Variants in ZMYM2 observed in about 807,000 individuals in gnomAD.
ZMYM2 encodes zinc finger MYM-type containing 2.
ZMYM2 carries 56 observed loss-of-function variants against 162.8 expected under a neutral mutation model. The ratio of observed to expected loss-of-function variants is 0.34; its 90% CI spans 0.28 to 0.43. The LOEUF is 0.43. Ranked by LOEUF, ZMYM2 falls within the 20% of genes least tolerant of loss-of-function variation. The pLI, the probability that ZMYM2 is intolerant of heterozygous loss-of-function variation, is 1.00. For missense variants in ZMYM2, 1,275 were observed against 1,621.8 expected, an observed-to-expected ratio of 0.79 and a Z score of 3.67; for synonymous variants, 510 against 541.6, an observed-to-expected ratio of 0.94 and a Z score of 0.81.
At chr13:19,980,860 A>G (rs1392595006) in intron 2 of ZMYM2, among the ~76,000 whole-genome samples, 1 of 150,600 alleles carries the variant, frequency 6.6e-6, no homozygotes, top group African/African-American at 2.4e-5. Flanking sequence ...ATTTTTATTG[A>G]GATCAAAGTA....
the ZMYM2 span, among the ~76,000 whole-genome samples, chr13:19,883,094 C>A: frequency 2.6e-5 from 4 of 152,100 alleles, no homozygotes; most frequent in African/African-American, 4.8e-5. Flanking sequence ...TTTATGTATG[C>A]TACAACATGA....
At chr13:19,973,693 C>CA (rs1956532769) in intron 2 of ZMYM2, among the ~76,000 whole-genome samples, 1 of 147,832 alleles carries the variant, frequency 6.8e-6, no homozygotes, top group Admixed American at 6.8e-5. Context: ...AAAAAAACAC[C>CA]AAAAAACAAA....
intron 2 of ZMYM2, among the ~76,000 whole-genome samples, chr13:19,991,328 C>T (rs1949605787): frequency 1.3e-5 from 2 of 151,954 alleles, no homozygotes; most frequent in Non-Finnish European, 1.5e-5. Context: ...TTATGTTGCT[C>T]AGGCTGGTCT....
rs1378741096 is a variant in ZMYM2 at position 19,958,778 on chromosome 13, G to A, written c.-143G>A. 2.6e-5 allele frequency: 4 copies of A among 151,494 alleles called. No individual in the cohort carries two copies. Among genetic ancestry groups the A allele is most frequent in the Non-Finnish European group, 5.9e-5 (4 of 67,918 alleles). The allele number at this position is 151,494 out of a possible 1,614,324, so 9.4% of individuals were successfully genotyped here. ...GACTGGACCGAGCGGAGTTGTGCGT[G>A]TCGCCGAAGGGGGGTGGGCCGGGGG... is the stretch of plus-strand genomic sequence containing the variant. On this transcript the variant is annotated 5_prime_UTR_variant, in exon 1 of 25. Coordinates refer to ENST00000610343, the MANE Select transcript of ZMYM2 (RefSeq NM_197968.4).
intron 16 of ZMYM2, 131 bp from the exon 17 acceptor site, chr13:20,060,922 G>T: frequency 2.4e-6 from 2 of 829,766 alleles, no homozygotes; most frequent in Non-Finnish European, 3.7e-6. Context: ...TCTTAGTTTT[G>T]TATGTGTTCT....
the ZMYM2 span, among the ~76,000 whole-genome samples, chr13:19,899,613 T>C: frequency 2.6e-5 from 4 of 151,712 alleles, no homozygotes; most frequent in Admixed American, 6.6e-5. Flanking sequence ...GTCAGGAGTT[T>C]GTGACCAGCC....
chr13:19,881,109 G>A, the ZMYM2 span, among the ~76,000 whole-genome samples: 1 of 151,670 alleles, frequency 6.6e-6, no homozygotes, highest in East Asian at 2.0e-4. Context: ...GGCTGGTCTC[G>A]AACTCCTGAC....
At chr13:20,068,959 GATA>G (rs1388993670) in intron 21 of ZMYM2, among the ~76,000 whole-genome samples, 1 of 151,954 alleles carries the variant, frequency 6.6e-6, no homozygotes, top group Non-Finnish European at 1.5e-5. Context: ...AACATATTTA[GATA>G]ATAAAACTTT....
chr13:19,914,878 T>C, the ZMYM2 span, among the ~76,000 whole-genome samples: 5 of 152,274 alleles, frequency 3.3e-5, no homozygotes, highest in African/African-American at 1.2e-4. Flanking sequence ...GTGGCGATAC[T>C]TTCCAGCTGG....
At chr13:20,013,601 T>C (rs1323631218) in intron 6 of ZMYM2, among the ~76,000 whole-genome samples, 6 of 152,198 alleles carry the variant, frequency 3.9e-5, no homozygotes, top group Non-Finnish European at 8.8e-5. Context: ...TGAAGTAGTT[T>C]CTTTGTATTA....
Position 19,995,343 on chromosome 13 carries a change from T to A in ZMYM2, c.847+1424T>A, listed in dbSNP as rs115019314. ...ACGTATCTTTAGCTTTTAGTTAGCA[T>A]TTTACTACTAAAAAATTTTTAAAAA... is the stretch of plus-strand genomic sequence containing the variant. On this transcript the variant is annotated intron_variant, in intron 3 of 24. Coordinates refer to ENST00000610343, the MANE Select transcript of ZMYM2 (RefSeq NM_197968.4). Among the ~76,000 whole-genome samples the A allele has an allele frequency of 2.9e-3, 447 of 152,308 alleles. 4 individuals carry two copies. The highest frequency in any genetic ancestry group is 0.01 in the African/African-American group (418 of 41,562).
intron 7 of ZMYM2, 53 bp downstream of exon 7, chr13:20,019,671 A>G (rs762985132): frequency 1.1e-5 from 16 of 1,459,778 alleles, no homozygotes; most frequent in African/African-American, 1.4e-5. Flanking sequence ...GAGCACTGCT[A>G]CTACTGTCAT....
Position 20,085,826 on chromosome 13 carries a change from C to T in ZMYM2, c.3946C>T (p.Gln1316Ter). 1 of 1,593,026 alleles carries T rather than the reference C, an allele frequency of 6.3e-7. No homozygotes were observed. The highest frequency in any genetic ancestry group is 1.1e-5 in the South Asian group (1 of 87,532). Residue 1316 changes from glutamine to a stop codon, truncating the protein, a stop_gained, in exon 25 of 25, where the codon CAG becomes TAG. Transcript: ENST00000610343. LOFTEE classifies it high-confidence loss of function. The part of the protein sequence containing the change: ...MFECYLSKSP[Q>*]NLNQRMDVFY... ...TTTTTCCTCCCGCCTCCAAAGTCCA[C>T]AGAATCTTAATCAGAGGATGGATGT...
chr13:20,083,826 G>C (rs1339736354), intron 24 of ZMYM2, 50 bp downstream of exon 24: 1 of 1,560,106 alleles, frequency 6.4e-7, no homozygotes, highest in Non-Finnish European at 8.7e-7. Flanking sequence ...GAAGTTGGCT[G>C]GTTTAAATTT....
At chr13:20,063,408 A>G (rs1010686136) in intron 18 of ZMYM2, among the ~76,000 whole-genome samples, 23 of 151,020 alleles carry the variant, frequency 1.5e-4, no homozygotes, top group African/African-American at 4.1e-4. Flanking sequence ...GTCTTTAAAA[A>G]AAAAAAAAAA....
chr13:19,995,740 C>T (rs1168311790), intron 3 of ZMYM2, among the ~76,000 whole-genome samples: 1 of 152,088 alleles, frequency 6.6e-6, no homozygotes, highest in Non-Finnish European at 1.5e-5. Flanking sequence ...TTTCTGTGAG[C>T]AGCCTTGTTC....
At chr13:20,057,854 C>T (rs1566417326) in intron 14 of ZMYM2, among the ~76,000 whole-genome samples, 1 of 152,154 alleles carries the variant, frequency 6.6e-6, no homozygotes, top group African/African-American at 2.4e-5. Context: ...CATAACTATT[C>T]CGAATTATGT....
intron 21 of ZMYM2, among the ~76,000 whole-genome samples, chr13:20,079,806 C>T (rs1256536206): frequency 1.3e-5 from 2 of 152,108 alleles, no homozygotes; most frequent in African/African-American, 4.8e-5. Context: ...TTTATTATTG[C>T]TAAGGTTCTA....
chr13:20,021,701 T>G (rs1048694793), intron 7 of ZMYM2, among the ~76,000 whole-genome samples: 3 of 152,154 alleles, frequency 2.0e-5, no homozygotes, highest in Non-Finnish European at 2.9e-5. Context: ...TGGCCATGTG[T>G]GTTCTTTGGG....
Sources: allele counts gnomAD v4.1 joint callset (sites outside exome capture counted in the v4.1 genomes callset), GRCh38; gene constraint gnomAD v4.1.1; transcripts MANE v1.5; gene names NCBI Gene and HGNC (gene_info 2026-07-23, HGNC 2026-07-21).